Variants in MTUS2 observed in about 807,000 individuals in gnomAD.
MTUS2 encodes microtubule associated scaffold protein 2, also known as microtubule-associated tumor suppressor candidate 2.
In MTUS2, 40 loss-of-function variants were observed where a neutral mutation model predicts 114.1. The observed-to-expected ratio is 0.35, with a 90% confidence interval of 0.27 to 0.46. MTUS2 has a LOEUF of 0.46. MTUS2 is among the 20% of genes least tolerant of loss of function. MTUS2 has a pLI of 1.00. For missense variants in MTUS2, 1,679 were observed against 1,705.4 expected, an observed-to-expected ratio of 0.98 and a Z score of 0.27; for synonymous variants, 688 against 672.0, an observed-to-expected ratio of 1.02 and a Z score of -0.37.
intron 5 of MTUS2, among the ~76,000 whole-genome samples, chr13:29,147,886 G>A (rs1318055188): frequency 6.6e-6 from 1 of 152,152 alleles, no homozygotes; most frequent in Non-Finnish European, 1.5e-5. Context: ...TGTGAATAGT[G>A]CTGCTATGAA....
intron 2 of MTUS2, among the ~76,000 whole-genome samples, chr13:28,934,752 A>T (rs1053856728): frequency 1.3e-5 from 2 of 152,130 alleles, no homozygotes; most frequent in African/African-American, 4.8e-5. Context: ...TGAACTCCTG[A>T]CCTCAGGTGA....
chr13:28,921,018 C>T (rs543408567), intron 2 of MTUS2, among the ~76,000 whole-genome samples: 2 of 152,356 alleles, frequency 1.3e-5, no homozygotes, highest in Admixed American at 6.5e-5. Context: ...ACTCAGGGAC[C>T]CCAGGGGCCT....
intron 4 of MTUS2, among the ~76,000 whole-genome samples, chr13:29,076,823 C>T (rs1889214434): frequency 6.6e-6 from 1 of 152,158 alleles, no homozygotes; most frequent in South Asian, 2.1e-4. Context: ...GAAGTTAGCT[C>T]CTGTGCACCT....
rs1883052409 is a variant in MTUS2, at chr13:29,503,550, C to T, written c.*344C>T. 1 of 431,946 alleles carries T rather than the reference C, an allele frequency of 2.3e-6. No homozygotes were observed. Among genetic ancestry groups the T allele is most frequent in the South Asian group, 3.0e-5 (1 of 32,842 alleles). 26.8% of individuals were successfully genotyped at this position (431,946 alleles called of 1,614,324 possible). The stretch of plus-strand genomic sequence containing the variant: ...ATTGAATAATCATTGTGTACTGCAC[C>T]GATATGTGTGTATATTTAGATATAC... On this transcript the variant is annotated 3_prime_UTR_variant, in exon 16 of 16. Coordinates refer to ENST00000612955, the MANE Select transcript of MTUS2 (RefSeq NM_001033602.4).
In MTUS2 at chr13:29,162,008, A is replaced by G. The variant is rs573691849; in HGVS notation, c.2644+61038A>G. ...TCCCGAACTGTGGATTCATTTATCT[A>G]GCTGCACACTTGACATCTACATCTC... is the stretch of plus-strand genomic sequence containing the variant. On this transcript the variant is annotated intron_variant, in intron 5 of 15. Transcript: ENST00000612955. 1.5e-4 allele frequency among the ~76,000 whole-genome samples: 23 copies of G among 152,308 alleles called. No homozygotes were observed. In the South Asian group the frequency reaches 4.6e-3, roughly 30 times the overall value.
chr13:29,147,799 G>A (rs539830746), intron 5 of MTUS2, among the ~76,000 whole-genome samples: 79 of 152,220 alleles, frequency 5.2e-4, no homozygotes, highest in African/African-American at 1.7e-3. Flanking sequence ...ATAGTACTCC[G>A]TGGAGAATAT....
At chr13:29,359,494 G>C in intron 8 of MTUS2, 21 bp downstream of exon 8, 2 of 1,596,730 alleles carry the variant, frequency 1.3e-6, no homozygotes, top group Non-Finnish European at 1.7e-6. Context: ...ATTTCGTGAA[G>C]GTCCAAGGGC....
At chr13:28,888,048 A>C (rs555490191) in intron 2 of MTUS2, among the ~76,000 whole-genome samples, 1 of 152,292 alleles carries the variant, frequency 6.6e-6, no homozygotes, top group South Asian at 2.1e-4. Flanking sequence ...CTCTTCTGTG[A>C]AACCTTTCCT....
At chr13:29,380,520 T>C (rs1390108125) in intron 8 of MTUS2, among the ~76,000 whole-genome samples, 1 of 152,244 alleles carries the variant, frequency 6.6e-6, no homozygotes, top group African/African-American at 2.4e-5. Flanking sequence ...GTGTTGATTG[T>C]CTCACTAACT....
chr13:29,099,608 G>A (rs922593345), intron 4 of MTUS2, among the ~76,000 whole-genome samples: 8 of 151,822 alleles, frequency 5.3e-5, no homozygotes, highest in South Asian at 4.2e-4. Context: ...CTAAATCCTC[G>A]TTTACTCTGA....
At chr13:29,467,486 C>T (rs17073464) in intron 9 of MTUS2, among the ~76,000 whole-genome samples, 3,520 of 152,226 alleles carry the variant, frequency 0.023, 121 homozygotes, top group African/African-American at 0.076. Flanking sequence ...TTATATGAAC[C>T]GGTGCCGTGG....
chr13:29,287,717 T>A (rs1273087921), intron 6 of MTUS2, among the ~76,000 whole-genome samples: 1 of 152,248 alleles, frequency 6.6e-6, no homozygotes, highest in Admixed American at 6.5e-5. Flanking sequence ...TAAATTTTTA[T>A]GAGTGTAATA....
intron 4 of MTUS2, among the ~76,000 whole-genome samples, chr13:29,086,499 A>G (rs992960424): frequency 2.0e-5 from 3 of 152,282 alleles, no homozygotes; most frequent in Admixed American, 2.0e-4. Flanking sequence ...TTTTTGTACC[A>G]GTACCATGAT....
chr13:28,842,825 G>A (rs998813241), intron 2 of MTUS2, among the ~76,000 whole-genome samples: 9 of 152,196 alleles, frequency 5.9e-5, no homozygotes, highest in African/African-American at 2.2e-4. Context: ...TTTACCCTGT[G>A]CAGATGCTAG....
At chr13:29,075,086 T>C (rs1565994493) in intron 4 of MTUS2, among the ~76,000 whole-genome samples, 1 of 152,254 alleles carries the variant, frequency 6.6e-6, no homozygotes. Context: ...AGACATCTTA[T>C]ATGATGGAGT....
At chr13:29,163,859 T>C (rs1225532103) in intron 5 of MTUS2, among the ~76,000 whole-genome samples, 1 of 152,138 alleles carries the variant, frequency 6.6e-6, no homozygotes, top group East Asian at 1.9e-4. Flanking sequence ...CCTTTCAAAC[T>C]AACCTCCATG....
In MTUS2 at chr13:29,330,187, G is replaced by A. The variant is rs553116956; in HGVS notation, c.2905+5476G>A. ...TCATTGTGATTTTGATTTGCATTTC[G>A]CTAATGACCAGCTTTTTTTACATGT... On this transcript the variant is annotated intron_variant, in intron 7 of 15. Coordinates refer to ENST00000612955, the MANE Select transcript of MTUS2 (RefSeq NM_001033602.4). Among the ~76,000 whole-genome samples the A allele has an allele frequency of 2.6e-5, 4 of 151,908 alleles. No individual in the cohort carries two copies. The South Asian group carries it at 6.2e-4, about 24-fold the overall frequency.
intron 5 of MTUS2, among the ~76,000 whole-genome samples, chr13:29,208,239 C>CAATGATCT (rs1566066876): frequency 6.6e-6 from 1 of 151,950 alleles, no homozygotes; most frequent in African/African-American, 2.4e-5. Flanking sequence ...TAGTAGCCTG[C>CAATGATCT]AATGATCTTT....
chr13:29,438,887 C>G (rs375081376), intron 8 of MTUS2, among the ~76,000 whole-genome samples: 175 of 152,262 alleles, frequency 1.1e-3, no homozygotes, highest in African/African-American at 4.0e-3. Flanking sequence ...TCCCACCAAC[C>G]CAAAGCAGCA....
Sources: gnomAD v4.1 joint callset for allele counts (sites outside exome capture counted in the v4.1 genomes callset) on GRCh38, gnomAD v4.1.1 for gene constraint, MANE v1.5 for transcripts, NCBI Gene and HGNC (gene_info 2026-07-23, HGNC 2026-07-21) for gene names.